JAZF1: variants seen among roughly 807,000 people sequenced by gnomAD.
JAZF1 encodes the protein juxtaposed with another zinc finger protein 1.
Under a neutral mutation model 26.4 loss-of-function variants are expected in JAZF1, and 8 were observed. The observed-to-expected ratio is 0.30, with a 90% confidence interval of 0.18 to 0.55. JAZF1 has a LOEUF of 0.55. JAZF1 is among the 20% of genes least tolerant of loss of function. The probability of loss-of-function intolerance (pLI) is 0.94; values close to 1 mark genes in which losing one functional copy is unlikely to be tolerated. For synonymous variants in JAZF1, 126 were observed against 122.3 expected (o/e 1.03, Z -0.20); for missense variants, 199 against 322.0 (o/e 0.62, Z 2.92).
At chr7:27,893,256 GAAGT>G (rs1476243289) in intron 3 of JAZF1, among the ~76,000 whole-genome samples, 1 of 152,186 alleles carries the variant, frequency 6.6e-6, no homozygotes, top group Admixed American at 6.5e-5. Flanking sequence ...AGTATTTTGT[GAAGT>G]TAGTATTCTG....
chr7:27,835,887 G>GA (rs1333341631), intron 4 of JAZF1, among the ~76,000 whole-genome samples: 6 of 152,206 alleles, frequency 3.9e-5, no homozygotes, highest in African/African-American at 7.2e-5. Flanking sequence ...TTTGGTCTTT[G>GA]AAAAAAATGG....
At chr7:28,120,380 TTGTAATATCAAATGCTAAAA>T (rs1412982856) in intron 1 of JAZF1, among the ~76,000 whole-genome samples, 3 of 151,762 alleles carry the variant, frequency 2.0e-5, no homozygotes, top group Non-Finnish European at 4.4e-5. Flanking sequence ...AGAAGCTAAA[TTGTAATATCAAATGCTAAAA>T]AGAAGTGAAT....
chr7:28,092,979 C>G (rs547251399), intron 1 of JAZF1, among the ~76,000 whole-genome samples: 1 of 152,244 alleles, frequency 6.6e-6, no homozygotes, highest in Non-Finnish European at 1.5e-5. Context: ...TAAAACATAT[C>G]CCTGAAAGGG....
chr7:28,158,667 G>A (rs1341755181), intron 1 of JAZF1, among the ~76,000 whole-genome samples: 2 of 152,248 alleles, frequency 1.3e-5, no homozygotes, highest in East Asian at 1.9e-4. Flanking sequence ...AACAATACAT[G>A]GGGCTAAGAT....
At chr7:28,052,885 T>C (rs1783638955) in intron 1 of JAZF1, among the ~76,000 whole-genome samples, 1 of 152,080 alleles carries the variant, frequency 6.6e-6, no homozygotes, top group Admixed American at 6.5e-5. Context: ...CACTTTTAAG[T>C]ATATAGTTCA....
intron 1 of JAZF1, among the ~76,000 whole-genome samples, chr7:28,079,710 A>C (rs1784105855): frequency 6.6e-6 from 1 of 152,256 alleles, no homozygotes; most frequent in Admixed American, 6.5e-5. Flanking sequence ...AGAAACATTT[A>C]ATTGTACTCA....
intron 1 of JAZF1, among the ~76,000 whole-genome samples, chr7:28,140,834 T>A (rs781507133): frequency 5.3e-5 from 8 of 152,234 alleles, no homozygotes; most frequent in Non-Finnish European, 1.0e-4. Flanking sequence ...AGAATTTTTA[T>A]AAATATTCCA....
chr7:28,125,472 T>A (rs1477325982), intron 1 of JAZF1, among the ~76,000 whole-genome samples: 1 of 152,190 alleles, frequency 6.6e-6, no homozygotes, highest in Non-Finnish European at 1.5e-5. Context: ...ATTAATTGGT[T>A]TCCTAGCAAC....
At chr7:27,930,633 CTA>C (rs1255901354) in intron 2 of JAZF1, among the ~76,000 whole-genome samples, 2 of 152,174 alleles carry the variant, frequency 1.3e-5, no homozygotes, top group Non-Finnish European at 2.9e-5. Flanking sequence ...AAAGGAAAGA[CTA>C]AACTTTTCTT....
At chr7:27,938,728 G>C (rs1245622548) in intron 2 of JAZF1, among the ~76,000 whole-genome samples, 1 of 151,946 alleles carries the variant, frequency 6.6e-6, no homozygotes, top group Admixed American at 6.6e-5. Flanking sequence ...CTGGAGTGCA[G>C]TGGCATGATT....
chr7:28,017,351 A>G (rs571553098), intron 1 of JAZF1, among the ~76,000 whole-genome samples: 188 of 111,378 alleles, frequency 1.7e-3, no homozygotes, highest in African/African-American at 8.1e-3. Context: ...TCTGTTTCAG[A>G]AAAAAAAAAA....
At chr7:28,152,997 T>TA (rs768551718) in intron 1 of JAZF1, among the ~76,000 whole-genome samples, 1 of 152,234 alleles carries the variant, frequency 6.6e-6, no homozygotes, top group Non-Finnish European at 1.5e-5. Context: ...TATAGTTTCT[T>TA]AGTTTCTAGG....
chr7:28,000,622 C>CTTTTTTTTTTTTTTTTTTTTTT (rs1190147547), intron 1 of JAZF1, among the ~76,000 whole-genome samples: 1 of 62,072 alleles, frequency 1.6e-5, no homozygotes, highest in African/African-American at 4.1e-5. Context: ...TTCTTTCTTT[C>CTTTTTTTTTTTTTTTTTTTTTT]TTTTTTTTTT....
rs575306030 is a variant in JAZF1 at position 27,990,451 on chromosome 7, T to C, written c.188+1458A>G. ...AGTATAAAAAAAAAAAAGGAACTCC[T>C]ATATAATTAGTAGGTACCTGCTGTC... On this transcript the variant is annotated intron_variant, in intron 2 of 4. Transcript: ENST00000283928. 5.3e-5 allele frequency among the ~76,000 whole-genome samples: 8 copies of C among 151,826 alleles called. No homozygotes were observed. The East Asian group carries it at 1.5e-3, about 29-fold the overall frequency.
rs1220179380 is a variant in JAZF1, at chr7:28,147,109, G to A, written c.115+33354C>T. Among the ~76,000 whole-genome samples, 6 of 152,106 alleles carry A rather than the reference G, an allele frequency of 3.9e-5. No individual in the cohort carries two copies. In the South Asian group the frequency reaches 8.3e-4, roughly 21 times the overall value. On this transcript the variant is annotated intron_variant, in intron 1 of 4. Transcript: ENST00000283928. ...TGACCTCACACCTCGGCCTCCCAAA[G>A]TGCTGGGATTATAGGCATGAGCCAG...
chr7:27,888,343 T>A (rs1783905205), intron 3 of JAZF1, among the ~76,000 whole-genome samples: 1 of 152,240 alleles, frequency 6.6e-6, no homozygotes, highest in Admixed American at 6.5e-5. Flanking sequence ...TTCCATTTTG[T>A]TCTTTTCTTT....
rs557129104 is a variant in JAZF1, at chr7:28,073,420, A to G, written c.116-81439T>C. ...TTTCTCTCAGGCAAGGGCGCACCCA[A>G]GGACTGAAAATCAAAGCCAGGACCA... is the stretch of plus-strand genomic sequence containing the variant. On this transcript the variant is annotated intron_variant, in intron 1 of 4. Transcript: ENST00000283928. Among the ~76,000 whole-genome samples, 32 of 152,308 alleles carry G rather than the reference A, an allele frequency of 2.1e-4. 1 individual carries two copies. The highest frequency in any genetic ancestry group is 1.9e-3 in the Admixed American group (29 of 15,296).
chr7:28,142,846 T>C (rs1340257672), intron 1 of JAZF1, among the ~76,000 whole-genome samples: 1 of 152,160 alleles, frequency 6.6e-6, no homozygotes, highest in Non-Finnish European at 1.5e-5. Context: ...AACCCAGGCA[T>C]TCATGCACAG....
At chr7:28,092,379 A>G (rs188236888) in intron 1 of JAZF1, among the ~76,000 whole-genome samples, 1 of 148,924 alleles carries the variant, frequency 6.7e-6, no homozygotes, top group Non-Finnish European at 1.5e-5. Flanking sequence ...CATTTTTAGA[A>G]ATGACAGCTC....
Sources: allele counts gnomAD v4.1 joint callset (sites outside exome capture counted in the v4.1 genomes callset), GRCh38; gene constraint gnomAD v4.1.1; transcripts MANE v1.5; gene names NCBI Gene and HGNC (gene_info 2026-07-23, HGNC 2026-07-21).